FOXN3: variants seen among roughly 807,000 people sequenced by gnomAD.
The protein encoded by FOXN3 is forkhead box protein N3.
In FOXN3, 7 loss-of-function variants were observed where a neutral mutation model predicts 38.4. The observed-to-expected ratio is 0.18, with a 90% CI of 0.10 to 0.34. The LOEUF is 0.34. Ranked by LOEUF, FOXN3 falls within the 10% of genes least tolerant of loss-of-function variation. The pLI, the probability that FOXN3 is intolerant of heterozygous loss-of-function variation, is 1.00. For synonymous variants in FOXN3, 230 were observed against 242.2 expected (o/e 0.95, Z 0.47); for missense variants, 456 against 613.4 (o/e 0.74, Z 2.71).
At chr14:89,442,561 G>A (rs1892408927) in intron 1 of FOXN3, among the ~76,000 whole-genome samples, 1 of 152,186 alleles carries the variant, frequency 6.6e-6, no homozygotes, top group Admixed American at 6.5e-5. Context: ...GTAAGCCTTA[G>A]AAATCTTTGC....
At chr14:89,384,366 TG>T (rs1193000217) in intron 2 of FOXN3, among the ~76,000 whole-genome samples, 5 of 152,196 alleles carry the variant, frequency 3.3e-5, no homozygotes, top group African/African-American at 1.2e-4. Flanking sequence ...TTCTACTTAG[TG>T]GAAGAATCAG....
At chr14:89,415,207 T>C (rs550282658) in intron 1 of FOXN3, among the ~76,000 whole-genome samples, 1 of 152,144 alleles carries the variant, frequency 6.6e-6, no homozygotes, top group Non-Finnish European at 1.5e-5. Context: ...TAAATGAAAG[T>C]TTTATGTCTC....
At chr14:89,271,125 G>T (rs914811512) in intron 4 of FOXN3, among the ~76,000 whole-genome samples, 1 of 152,124 alleles carries the variant, frequency 6.6e-6, no homozygotes, top group African/African-American at 2.4e-5. Context: ...ACACCTTTTG[G>T]TTGTCAAGGG....
intron 1 of FOXN3, among the ~76,000 whole-genome samples, chr14:89,602,527 C>T (rs565330425): frequency 1.7e-4 from 26 of 151,752 alleles, no homozygotes; most frequent in African/African-American, 5.6e-4. Context: ...GATGGAGTCT[C>T]GCTCTGTCGC....
At position 89,157,892 on chromosome 14, in the gene FOXN3, CAG is replaced by C. The variant is rs917933826; in HGVS notation, c.*4520_*4521del. On this transcript the variant is annotated 3_prime_UTR_variant, in exon 6 of 6. Transcript: ENST00000557258. Reference sequence around the variant, plus strand: ...GGGAAGTCACAATCAAGAGGAAACACAGAGTTCCAATGTTTTCTTTTGGTGGC... The same window carrying C: ...GGGAAGTCACAATCAAGAGGAAACACAGTTCCAATGTTTTCTTTTGGTGGC... The C allele has an allele frequency of 6.6e-6, 1 of 152,564 alleles. No individual in the cohort carries two copies. Among genetic ancestry groups the C allele is most frequent in the Non-Finnish European group, 1.5e-5 (1 of 68,042 alleles). 9.5% of individuals were successfully genotyped at this position (152,564 alleles called of 1,614,324 possible).
rs201016882 is a variant in FOXN3, at chr14:89,555,838, G to GGTGTGTGTGTGTGTGTGTGTGT, written c.-15+63168_-15+63189dup. Among the ~76,000 whole-genome samples, 260 of 89,676 alleles carry GGTGTGTGTGTGTGTGTGTGTGT rather than the reference G, an allele frequency of 2.9e-3. 10 individuals carry two copies. Among genetic ancestry groups the GGTGTGTGTGTGTGTGTGTGTGT allele is most frequent in the Middle Eastern group, 6.5e-3 (1 of 154 alleles). 58.8% of individuals were successfully genotyped at this position (89,676 alleles called of 152,430 possible). On this transcript the variant is annotated intron_variant, in intron 1 of 6. Transcript: ENST00000345097. ...TCATAAAGCTTACCTTCTAGTTCATGGTGTGTGTGTGTGTGTGTGTGTGTG... is the reference window on the plus strand; with the variant it reads ...TCATAAAGCTTACCTTCTAGTTCATGGTGTGTGTGTGTGTGTGTGTGTGTGTGTGTGTGTGTGTGTGTGTGTG...
chr14:89,216,261 A>C (rs1884277465), intron 4 of FOXN3, among the ~76,000 whole-genome samples: 1 of 152,186 alleles, frequency 6.6e-6, no homozygotes, highest in Non-Finnish European at 1.5e-5. Context: ...AATCGGGTAC[A>C]AACTTTCCAT....
At chr14:89,470,279 TTCTC>T (rs1034589475) in intron 1 of FOXN3, among the ~76,000 whole-genome samples, 4 of 120,988 alleles carry the variant, frequency 3.3e-5, no homozygotes, top group South Asian at 6.7e-4. Flanking sequence ...TATTACATAT[TTCTC>T]TCTGACTTTC....
intron 2 of FOXN3, among the ~76,000 whole-genome samples, chr14:89,355,770 C>T (rs1889193950): frequency 1.3e-5 from 2 of 152,132 alleles, no homozygotes; most frequent in Admixed American, 1.3e-4. Flanking sequence ...ACTGGGAAGC[C>T]GGGTCAACAA....
At chr14:89,349,077 G>A (rs1888867767) in intron 3 of FOXN3, among the ~76,000 whole-genome samples, 1 of 151,982 alleles carries the variant, frequency 6.6e-6, no homozygotes, top group African/African-American at 2.4e-5. Flanking sequence ...TGGAGAGTCG[G>A]GGGGTGGGGG....
At chr14:89,190,509 T>G (rs1444905763) in intron 4 of FOXN3, 2 of 1,405,408 alleles carry the variant, frequency 1.4e-6, no homozygotes, top group Non-Finnish European at 2.0e-6. Context: ...TGTGTGTGTT[T>G]TTCCCCCTGC....
intron 1 of FOXN3, among the ~76,000 whole-genome samples, chr14:89,547,023 G>A (rs905529861): frequency 4.0e-5 from 6 of 151,216 alleles, no homozygotes; most frequent in Non-Finnish European, 7.4e-5. Flanking sequence ...GACCTTAAGC[G>A]ATCCACCCGC....
At position 89,548,917 on chromosome 14, in the gene FOXN3, G is replaced by A. The variant is rs541081289; in HGVS notation, c.-15+70111C>T. Among the ~76,000 whole-genome samples the A allele has an allele frequency of 9.2e-5, 14 of 152,098 alleles. No homozygotes were observed. In the South Asian group the frequency reaches 1.7e-3, roughly 18 times the overall value. ...GTGGATCACCTAAGGTCAGGAGTTC[G>A]AGACCAGCCTGATCAATATGGTGAA... On this transcript the variant is annotated intron_variant, in intron 1 of 6. Transcript: ENST00000345097. This position sits in a 1 kb window ranked among gnomAD's most constrained non-coding sequence, Gnocchi z 4.8.
At chr14:89,404,952 AAAT>A (rs1484410960) in intron 2 of FOXN3, among the ~76,000 whole-genome samples, 1 of 151,910 alleles carries the variant, frequency 6.6e-6, no homozygotes, top group Admixed American at 6.6e-5. Context: ...TTATCCAAAA[AAAT>A]AATAATAATA....
At chr14:89,299,203 C>T (rs1887143202) in intron 3 of FOXN3, among the ~76,000 whole-genome samples, 1 of 152,218 alleles carries the variant, frequency 6.6e-6, no homozygotes. Context: ...CCCCAAGTGT[C>T]AAGGGTGGGG....
intron 4 of FOXN3, among the ~76,000 whole-genome samples, chr14:89,235,407 C>G (rs1884949784): frequency 6.6e-6 from 1 of 152,120 alleles, no homozygotes; most frequent in Non-Finnish European, 1.5e-5. Context: ...CCAATCAGCA[C>G]CAGCGGCTCT....
chr14:89,336,608 C>T (rs1035253352), intron 3 of FOXN3, among the ~76,000 whole-genome samples: 3 of 152,148 alleles, frequency 2.0e-5, no homozygotes, highest in Non-Finnish European at 2.9e-5. Context: ...TTTATAGGCA[C>T]GTGATAGCCT....
intron 4 of FOXN3, among the ~76,000 whole-genome samples, chr14:89,193,311 A>C (rs758642045): frequency 6.6e-5 from 10 of 152,194 alleles, no homozygotes; most frequent in Non-Finnish European, 1.5e-4. Context: ...ATTAAAGAAA[A>C]TATTTCAGTA....
chr14:89,338,722 G>T (rs1300675940), intron 3 of FOXN3, among the ~76,000 whole-genome samples: 1 of 152,150 alleles, frequency 6.6e-6, no homozygotes, highest in Admixed American at 6.5e-5. Flanking sequence ...GAACCTGGGG[G>T]TGGGCAGGGA....
Sources: allele counts gnomAD v4.1 joint callset (sites outside exome capture counted in the v4.1 genomes callset), GRCh38; gene constraint gnomAD v4.1.1; non-coding constraint Gnocchi (gnomAD v3.1); transcripts MANE v1.5; gene names NCBI Gene and HGNC (gene_info 2026-07-23, HGNC 2026-07-21).